Variants in TPRG1 observed in about 807,000 individuals in gnomAD.
TPRG1 encodes tumor protein p63-regulated gene 1 protein.
In TPRG1, 29 loss-of-function variants were observed where a neutral mutation model predicts 29.3. The ratio of observed to expected loss-of-function variants is 0.99; its 90% confidence interval spans 0.74 to 1.35. The LOEUF is 1.35. Ranked by LOEUF, TPRG1 falls within the 40% of genes most tolerant of loss-of-function variation. TPRG1 has a pLI of 0.00. For synonymous variants in TPRG1, 130 were observed against 116.8 expected, an observed-to-expected ratio of 1.11 and a Z score of -0.73; for missense variants, 327 against 335.0, an observed-to-expected ratio of 0.98 and a Z score of 0.19.
chr3:189,011,676 G>T (rs1441029436), intron 3 of TPRG1, among the ~76,000 whole-genome samples: 2 of 152,150 alleles, frequency 1.3e-5, no homozygotes, highest in African/African-American at 4.8e-5. Context: ...ATCTCCCACT[G>T]GGTCCATCCC....
At chr3:189,263,544 G>A (rs758427599) in intron 4 of TPRG1, among the ~76,000 whole-genome samples, 1 of 152,194 alleles carries the variant, frequency 6.6e-6, no homozygotes, top group African/African-American at 2.4e-5. Context: ...TCACTACAGT[G>A]TAAAGGGGTT....
At chr3:189,054,628 C>T (rs1490468652) in intron 4 of TPRG1, among the ~76,000 whole-genome samples, 1 of 151,860 alleles carries the variant, frequency 6.6e-6, no homozygotes, top group Non-Finnish European at 1.5e-5. Flanking sequence ...CAGATGCACA[C>T]ACACAAAAGC....
Position 189,320,807 on chromosome 3 carries a change from G to C in TPRG1, c.815G>C (p.Ser272Thr), listed in dbSNP as rs974047046. 1 of 1,590,078 alleles carries C rather than the reference G, an allele frequency of 6.3e-7. No individual in the cohort carries two copies. The highest frequency in any genetic ancestry group is 8.6e-7 in the Non-Finnish European group (1 of 1,169,036). Residue 272 changes from serine to threonine, a missense_variant, in exon 6 of 6, where the codon AGT becomes ACT. By Grantham distance (58) the Ser-to-Thr change is moderately conservative. Coordinates refer to ENST00000345063, the MANE Select transcript of TPRG1 (RefSeq NM_198485.4). The stretch of plus-strand genomic sequence containing the variant: ...CTTGGCTATTCCCTTGCCCGTGGGA[G>C]TATTGGTTTTTGAGAGTCTTTTTGG... Reference protein sequence around the residue: ...NKLGYSLARGSIGF With the variant: ...NKLGYSLARGTIGF
At chr3:189,159,980 A>C (rs753468542) in intron 5 of TPRG1, among the ~76,000 whole-genome samples, 1 of 151,908 alleles carries the variant, frequency 6.6e-6, no homozygotes, top group Non-Finnish European at 1.5e-5. Flanking sequence ...TTGTCACTCT[A>C]TGATTAATCT....
At chr3:189,106,062 A>G (rs1007790161) in intron 1 of TPRG1, among the ~76,000 whole-genome samples, 9 of 152,178 alleles carry the variant, frequency 5.9e-5, no homozygotes, top group African/African-American at 2.2e-4. Flanking sequence ...TTCAACAACA[A>G]CAACAACAAA....
chr3:189,133,533 T>C (rs1723352620), intron 3 of TPRG1, among the ~76,000 whole-genome samples: 1 of 152,142 alleles, frequency 6.6e-6, no homozygotes, highest in Non-Finnish European at 1.5e-5. Flanking sequence ...ACAAGACCTG[T>C]TGGTTTTATA....
intron 4 of TPRG1, among the ~76,000 whole-genome samples, chr3:189,064,316 C>T (rs1426699822): frequency 1.3e-5 from 2 of 152,054 alleles, no homozygotes; most frequent in East Asian, 1.9e-4. Context: ...TTAGAACATT[C>T]CAAGATCTCA....
chr3:189,083,646 C>T (rs533516179), intron 4 of TPRG1, among the ~76,000 whole-genome samples: 1 of 152,304 alleles, frequency 6.6e-6, no homozygotes, highest in South Asian at 2.1e-4. Context: ...GAATTAACCT[C>T]CCAATTGTAT....
chr3:189,053,299 A>G (rs960842640), intron 4 of TPRG1, among the ~76,000 whole-genome samples: 10 of 152,210 alleles, frequency 6.6e-5, no homozygotes, highest in Admixed American at 1.3e-4. Flanking sequence ...AGAATTGAAG[A>G]TAAAAGCAGC....
chr3:189,024,247 AG>A (rs2152126368), intron 4 of TPRG1, among the ~76,000 whole-genome samples: 1 of 150,828 alleles, frequency 6.6e-6, no homozygotes, highest in Non-Finnish European at 1.5e-5. Context: ...GGAATGGATC[AG>A]GGTCCCCTTT....
chr3:189,199,781 G>T (rs1157047458), intron 1 of TPRG1, among the ~76,000 whole-genome samples: 1 of 152,078 alleles, frequency 6.6e-6, no homozygotes, highest in Admixed American at 6.5e-5. Flanking sequence ...GCAGAAGGCT[G>T]ATCCAGGCGA....
chr3:189,265,701 T>C (rs1479215247), intron 4 of TPRG1, among the ~76,000 whole-genome samples: 1 of 152,166 alleles, frequency 6.6e-6, no homozygotes, highest in African/African-American at 2.4e-5. Context: ...AGCACTTTCC[T>C]CCATTCCTTC....
At chr3:189,066,434 C>G (rs955486741) in intron 4 of TPRG1, among the ~76,000 whole-genome samples, 3 of 152,014 alleles carry the variant, frequency 2.0e-5, no homozygotes, top group African/African-American at 7.2e-5. Flanking sequence ...TACTAGCAAA[C>G]TGACTTCGAC....
chr3:189,117,951 G>A (rs918702107), intron 1 of TPRG1, among the ~76,000 whole-genome samples: 2 of 152,184 alleles, frequency 1.3e-5, no homozygotes, highest in African/African-American at 2.4e-5. Flanking sequence ...ACCCGAAAAC[G>A]TGGAAGTGAC....
chr3:189,310,373 G>A lies in TPRG1; in HGVS notation c.480-13G>A, dbSNP rs751812476. 1.4e-5 allele frequency: 22 copies of A among 1,558,710 alleles called. No individual in the cohort carries two copies. The highest frequency in any genetic ancestry group is 1.8e-4 in the Middle Eastern group (1 of 5,632). On this transcript the variant is annotated splice_polypyrimidine_tract_variant and intron_variant, in intron 4 of 5. Coordinates refer to ENST00000345063, the MANE Select transcript of TPRG1 (RefSeq NM_198485.4). Reference sequence around the variant, plus strand: ...GGAAATGACTAATCTAATGGAAAACGCCTTTCTTGTAGGAGACAAGGAGAA... The same window carrying A: ...GGAAATGACTAATCTAATGGAAAACACCTTTCTTGTAGGAGACAAGGAGAA...
intron 4 of TPRG1, among the ~76,000 whole-genome samples, chr3:189,075,655 AT>A (rs1333302340): frequency 6.6e-6 from 1 of 152,040 alleles, no homozygotes; most frequent in Non-Finnish European, 1.5e-5. Context: ...GGGGCTTTAG[AT>A]TTGTGGTGAT....
At position 189,300,645 on chromosome 3, in the gene TPRG1, C is replaced by A. The variant is rs1184319772; in HGVS notation, c.480-9741C>A. 2.0e-5 allele frequency among the ~76,000 whole-genome samples: 3 copies of A among 152,146 alleles called. No homozygotes were observed. The East Asian group carries it at 5.8e-4, about 29-fold the overall frequency. On this transcript the variant is annotated intron_variant, in intron 4 of 5. Coordinates refer to ENST00000345063, the MANE Select transcript of TPRG1 (RefSeq NM_198485.4). ...GCTTTGCTGTTTGTAGGAAGAAGAACCAGAGCTAGACCAGATAAGCTCCAG... is the reference window on the plus strand; with the variant it reads ...GCTTTGCTGTTTGTAGGAAGAAGAAACAGAGCTAGACCAGATAAGCTCCAG...
intron 3 of TPRG1, among the ~76,000 whole-genome samples, chr3:189,023,073 G>A (rs990865461): frequency 6.6e-6 from 1 of 152,194 alleles, no homozygotes; most frequent in African/African-American, 2.4e-5. Context: ...GCAATACCTC[G>A]CCCTGCTTTG....
chr3:189,322,668 A>G lies in TPRG1; in HGVS notation c.*1848A>G, dbSNP rs1346813964. 6.6e-6 allele frequency: 1 copy of G among 152,578 alleles called. No individual in the cohort carries two copies. Among genetic ancestry groups the G allele is most frequent in the African/African-American group, 2.4e-5 (1 of 41,438 alleles). The allele number at this position is 152,578 out of a possible 1,614,324, so 9.5% of individuals were successfully genotyped here. On this transcript the variant is annotated 3_prime_UTR_variant, in exon 6 of 6. Transcript: ENST00000345063. Reference sequence around the variant, plus strand: ...GGCAGAAGCCTCTGAAATGTCCAGCACATTCTTTTGAGTTACCATTTAAGG... The same window carrying G: ...GGCAGAAGCCTCTGAAATGTCCAGCGCATTCTTTTGAGTTACCATTTAAGG...
Sources: allele counts gnomAD v4.1 joint callset (sites outside exome capture counted in the v4.1 genomes callset), GRCh38; gene constraint gnomAD v4.1.1; transcripts MANE v1.5; gene names NCBI Gene and HGNC (gene_info 2026-07-23, HGNC 2026-07-21).